The following CNTN5 variants were observed in gnomAD, a reference collection of about 807,000 sequenced individuals.
The protein encoded by CNTN5 is contactin-5.
A neutral mutation model predicts 129.1 loss-of-function variants in CNTN5; 77 were observed. The observed-to-expected ratio is 0.60, with a 90% CI of 0.50 to 0.72. The LOEUF (loss-of-function observed/expected upper bound fraction) is 0.72, where lower values mean the gene tolerates loss of function less well. CNTN5 is among the 30% of genes least tolerant of loss of function. The pLI is 0.00. For missense variants in CNTN5, 1,478 were observed against 1,328.8 expected (o/e 1.11, Z -1.75); for synonymous variants, 509 against 465.6 (o/e 1.09, Z -1.20).
chr11:99,140,951 A>G (rs1476952262), intron 1 of CNTN5, among the ~76,000 whole-genome samples: 1 of 151,736 alleles, frequency 6.6e-6, no homozygotes, highest in Non-Finnish European at 1.5e-5. Flanking sequence ...ATTAGCCTGA[A>G]GTTTTGTTTT....
chr11:100,017,322 T>A (rs1940879738), intron 9 of CNTN5, among the ~76,000 whole-genome samples: 1 of 152,038 alleles, frequency 6.6e-6, no homozygotes. Context: ...CACATTCTGT[T>A]GAGAGAAAGC....
intron 16 of CNTN5, among the ~76,000 whole-genome samples, chr11:100,235,630 T>C (rs915273022): frequency 6.6e-6 from 1 of 152,172 alleles, no homozygotes; most frequent in Non-Finnish European, 1.5e-5. Context: ...TTCCCACTTG[T>C]TCCCAGAGCT....
At chr11:99,159,405 G>A (rs948943811) in intron 1 of CNTN5, among the ~76,000 whole-genome samples, 3 of 152,120 alleles carry the variant, frequency 2.0e-5, no homozygotes, top group Non-Finnish European at 4.4e-5. Flanking sequence ...GAAGGATCAC[G>A]AGGTCAGGAG....
At chr11:99,788,621 A>G (rs2135423353) in intron 3 of CNTN5, among the ~76,000 whole-genome samples, 1 of 152,058 alleles carries the variant, frequency 6.6e-6, no homozygotes, top group African/African-American at 2.4e-5. Flanking sequence ...GCAACTTTTT[A>G]CATTATTGCA....
At chr11:100,337,697 C>T (rs2139005220) in intron 21 of CNTN5, 2 of 558,874 alleles carry the variant, frequency 3.6e-6, no homozygotes, top group South Asian at 1.5e-5. Flanking sequence ...TCCAGCTGTG[C>T]ATATGTTTAG....
chr11:99,626,629 T>A (rs1034298928), intron 3 of CNTN5, among the ~76,000 whole-genome samples: 2 of 152,152 alleles, frequency 1.3e-5, no homozygotes, highest in African/African-American at 4.8e-5. Flanking sequence ...TATGTCATTT[T>A]ATTTTTTTTG....
intron 1 of CNTN5, among the ~76,000 whole-genome samples, chr11:99,276,422 T>C (rs1428988688): frequency 6.6e-6 from 1 of 151,646 alleles, no homozygotes; most frequent in Non-Finnish European, 1.5e-5. Flanking sequence ...CTAATTTGAA[T>C]TTCGAATAGC....
At chr11:100,284,553 A>G (rs1950723586) in intron 18 of CNTN5, among the ~76,000 whole-genome samples, 1 of 152,238 alleles carries the variant, frequency 6.6e-6, no homozygotes, top group Admixed American at 6.5e-5. Context: ...AATGAATCTG[A>G]AATACACACT....
intron 2 of CNTN5, among the ~76,000 whole-genome samples, chr11:99,550,745 A>T (rs1948454858): frequency 6.6e-6 from 1 of 152,224 alleles, no homozygotes; most frequent in Admixed American, 6.5e-5. Context: ...ATAACTCAGA[A>T]TATAGATGAT....
In CNTN5 at chr11:99,538,827, AG is replaced by A. The variant is rs139423071; in HGVS notation, c.-70-17317del. ...AATTAATCTTGTACTAAAAATACAC[AG>A]CTTCAGAATAAAATTGACTTCAAAC... On this transcript the variant is annotated intron_variant, in intron 2 of 24. Coordinates refer to ENST00000524871, the MANE Select transcript of CNTN5 (RefSeq NM_014361.4). 9.0e-3 allele frequency among the ~76,000 whole-genome samples: 1,375 copies of A among 152,252 alleles called. 18 individuals carry two copies. Among genetic ancestry groups the A allele is most frequent in the African/African-American group, 0.029 (1,226 of 41,568 alleles).
chr11:100,070,522 T>C lies in CNTN5; in HGVS notation c.1261T>C (p.Tyr421His), dbSNP rs199970214. 39 of 1,613,008 alleles carry C rather than the reference T, an allele frequency of 2.4e-5. No individual in the cohort carries two copies. Among genetic ancestry groups the C allele is most frequent in the Non-Finnish European group, 2.5e-6 (3 of 1,179,488 alleles). ...CKATGKPRPT[Y>H]RWLKNGVPLS... Reference sequence around the variant, plus strand: ...GGCTACTGGAAAACCCAGACCCACGTATCGTTGGCTGAAGAATGGAGTACC... The same window carrying C: ...GGCTACTGGAAAACCCAGACCCACGCATCGTTGGCTGAAGAATGGAGTACC... Residue 421 changes from tyrosine to histidine, a missense_variant, in exon 11 of 25, where the codon TAT becomes CAT. Tyr to His is a moderately conservative substitution (Grantham distance 83). Transcript: ENST00000524871.
intron 1 of CNTN5, among the ~76,000 whole-genome samples, chr11:99,205,155 C>CTCAAA: frequency 1.0e-5 from 1 of 97,026 alleles, no homozygotes; most frequent in East Asian, 3.3e-4. Context: ...ATCTGACAAA[C>CTCAAA]TCAATAAGCA....
chr11:99,977,500 A>G (rs1938063986), intron 8 of CNTN5, among the ~76,000 whole-genome samples: 1 of 152,208 alleles, frequency 6.6e-6, no homozygotes, highest in Non-Finnish European at 1.5e-5. Context: ...GGTTTAATTG[A>G]CTGATGGTTC....
chr11:99,164,329 A>G (rs1220481343), intron 1 of CNTN5, among the ~76,000 whole-genome samples: 1 of 151,830 alleles, frequency 6.6e-6, no homozygotes, highest in Non-Finnish European at 1.5e-5. Context: ...TCTCAAAAAA[A>G]AAAAAAAAAA....
intron 6 of CNTN5, among the ~76,000 whole-genome samples, chr11:99,907,546 T>C (rs1198641785): frequency 1.3e-5 from 2 of 151,836 alleles, no homozygotes; most frequent in African/African-American, 2.4e-5. Context: ...AATACAAAGA[T>C]TGGGGCTGTA....
At chr11:100,258,765 A>G (rs890364994) in intron 17 of CNTN5, among the ~76,000 whole-genome samples, 1 of 152,220 alleles carries the variant, frequency 6.6e-6, no homozygotes, top group African/African-American at 2.4e-5. Context: ...TGTCACCACC[A>G]GGCCTGCCTT....
chr11:99,450,257 A>AATATATAT lies in CNTN5; in HGVS notation c.-70-105867_-70-105860dup, dbSNP rs56270711. ...TTTGGCAAAAAGTATTGCTGGTAGA[A>AATATATAT]ATATATATATATATATATATATATA... On this transcript the variant is annotated intron_variant, in intron 2 of 24. Transcript: ENST00000524871. Among the ~76,000 whole-genome samples, 173 of 145,986 alleles carry AATATATAT rather than the reference A, an allele frequency of 1.2e-3. 1 individual carries two copies. The highest frequency in any genetic ancestry group is 3.4e-3 in the African/African-American group (136 of 39,650).
intron 9 of CNTN5, among the ~76,000 whole-genome samples, chr11:100,030,955 A>G (rs190838905): frequency 5.5e-4 from 84 of 152,290 alleles, no homozygotes; most frequent in African/African-American, 1.9e-3. Flanking sequence ...CTAAATAGAT[A>G]TTAAATAACT....
intron 4 of CNTN5, among the ~76,000 whole-genome samples, chr11:99,823,524 G>A (rs1047119551): frequency 2.6e-5 from 4 of 151,814 alleles, no homozygotes; most frequent in Non-Finnish European, 5.9e-5. Context: ...AAAAAAAAAG[G>A]CAAATGCTGC....
Sources: allele counts gnomAD v4.1 joint callset (sites outside exome capture counted in the v4.1 genomes callset), GRCh38; gene constraint gnomAD v4.1.1; transcripts MANE v1.5; gene names NCBI Gene and HGNC (gene_info 2026-07-23, HGNC 2026-07-21).